CPED1: variants seen among roughly 807,000 people sequenced by gnomAD.
The protein encoded by CPED1 is cadherin-like and PC-esterase domain-containing protein 1.
Under a neutral mutation model 128.2 loss-of-function variants are expected in CPED1, and 114 were observed. The observed-to-expected ratio is 0.89, with a 90% CI of 0.76 to 1.04. CPED1 has a LOEUF of 1.04. Among genes scored for constraint, CPED1 ranks in the 50% least tolerant of loss-of-function variants. The pLI, the probability that CPED1 is intolerant of heterozygous loss-of-function variation, is 0.00. For synonymous variants in CPED1, 462 were observed against 426.7 expected (o/e 1.08, Z -1.02); for missense variants, 1,211 against 1,207.1 (o/e 1.00, Z -0.05).
At chr7:121,152,850 C>T (rs781207761) in intron 16 of CPED1, among the ~76,000 whole-genome samples, 1 of 152,108 alleles carries the variant, frequency 6.6e-6, no homozygotes, top group Non-Finnish European at 1.5e-5. Flanking sequence ...ATCACCTGTG[C>T]TAAATTATAC....
chr7:121,040,150 A>G (rs1585033870), intron 3 of CPED1, among the ~76,000 whole-genome samples: 1 of 152,084 alleles, frequency 6.6e-6, no homozygotes, highest in African/African-American at 2.4e-5. Context: ...TAGCAAGTAA[A>G]CACCCATGAC....
At chr7:121,225,957 C>T (rs769567692) in intron 16 of CPED1, among the ~76,000 whole-genome samples, 32 of 151,856 alleles carry the variant, frequency 2.1e-4, no homozygotes, top group Non-Finnish European at 2.9e-4. Flanking sequence ...TTGTTATTAC[C>T]GACCTTCTGA....
Position 121,068,869 on chromosome 7 carries a change from T to C in CPED1, c.616+4556T>C, listed in dbSNP as rs973911007. Among the ~76,000 whole-genome samples the C allele has an allele frequency of 2.2e-4, 33 of 152,258 alleles. 1 individual carries two copies. Among genetic ancestry groups the C allele is most frequent in the African/African-American group, 7.9e-4 (33 of 41,542 alleles). On this transcript the variant is annotated intron_variant, in intron 5 of 22. Coordinates refer to ENST00000310396, the MANE Select transcript of CPED1 (RefSeq NM_024913.5). ...TGGATTCCTAGGTATTGTATTCTCT[T>C]TGAAGCAATTGTGAATGGGAGTTCA...
At chr7:121,219,829 T>G (rs1237212045) in intron 16 of CPED1, among the ~76,000 whole-genome samples, 2 of 152,070 alleles carry the variant, frequency 1.3e-5, no homozygotes, top group Non-Finnish European at 1.5e-5. Flanking sequence ...AATTTCTCAC[T>G]AAAACATAAT....
intron 7 of CPED1, among the ~76,000 whole-genome samples, chr7:121,121,606 T>C (rs1220080445): frequency 6.6e-6 from 1 of 152,222 alleles, no homozygotes; most frequent in East Asian, 1.9e-4. Context: ...TTCTCACATT[T>C]ATTTAATTGA....
At chr7:121,248,531 C>T (rs1798592509) in intron 18 of CPED1, among the ~76,000 whole-genome samples, 1 of 146,284 alleles carries the variant, frequency 6.8e-6, no homozygotes, top group Non-Finnish European at 1.5e-5. Flanking sequence ...ATGCCATCTA[C>T]TGGATCATAG....
At chr7:121,214,313 GAC>G (rs1346182334) in intron 16 of CPED1, among the ~76,000 whole-genome samples, 1 of 151,788 alleles carries the variant, frequency 6.6e-6, no homozygotes, top group Non-Finnish European at 1.5e-5. Context: ...ATTTTTTTGA[GAC>G]AGAGTCTCAC....
chr7:121,211,385 G>A (rs937301248), intron 16 of CPED1, among the ~76,000 whole-genome samples: 1 of 152,104 alleles, frequency 6.6e-6, no homozygotes, highest in South Asian at 2.1e-4. Context: ...TGAAATTAGC[G>A]AAGTCAGTGG....
chr7:121,026,133 T>C (rs1040918548), intron 3 of CPED1, among the ~76,000 whole-genome samples: 2 of 152,174 alleles, frequency 1.3e-5, no homozygotes, highest in African/African-American at 4.8e-5. Flanking sequence ...TTAATTTCAG[T>C]GATGCCAACT....
chr7:121,231,321 T>C (rs957565636), intron 16 of CPED1, among the ~76,000 whole-genome samples: 15 of 152,036 alleles, frequency 9.9e-5, no homozygotes, highest in Admixed American at 8.5e-4. Context: ...CTGGGCATGG[T>C]TGTCTTATTG....
chr7:121,251,647 T>C (rs1245194679), intron 18 of CPED1, among the ~76,000 whole-genome samples: 1 of 152,076 alleles, frequency 6.6e-6, no homozygotes, highest in Non-Finnish European at 1.5e-5. Context: ...TGTGCAAAAA[T>C]CACAAACATT....
intron 22 of CPED1, among the ~76,000 whole-genome samples, chr7:121,272,406 C>T (rs1309824608): frequency 6.6e-6 from 1 of 151,674 alleles, no homozygotes; most frequent in Non-Finnish European, 1.5e-5. Flanking sequence ...AGTGATTTTA[C>T]GAATTGCCTT....
chr7:121,133,947 CA>C, intron 13 of CPED1, 54 bp downstream of exon 13: 7 of 976,838 alleles, frequency 7.2e-6, no homozygotes, highest in South Asian at 1.6e-5. Context: ...TATTTCCTGG[CA>C]AAAAAATGCA....
chr7:121,185,292 A>G (rs73436037), intron 16 of CPED1, among the ~76,000 whole-genome samples: 1 of 152,124 alleles, frequency 6.6e-6, no homozygotes, highest in African/African-American at 2.4e-5. Context: ...ATGGCAAAAG[A>G]TGCAATAAAC....
chr7:121,056,405 A>C (rs1307417422), intron 4 of CPED1, among the ~76,000 whole-genome samples: 1 of 152,180 alleles, frequency 6.6e-6, no homozygotes, highest in Non-Finnish European at 1.5e-5. Context: ...AGTTGAATTG[A>C]TTTGGCAGTT....
At chr7:121,139,175 A>G (rs1380407495) in intron 14 of CPED1, among the ~76,000 whole-genome samples, 1 of 152,048 alleles carries the variant, frequency 6.6e-6, no homozygotes, top group African/African-American at 2.4e-5. Flanking sequence ...TTCATTGACC[A>G]TTAGGTCAAA....
At chr7:121,041,791 G>C (rs1370626056) in intron 3 of CPED1, among the ~76,000 whole-genome samples, 2 of 152,178 alleles carry the variant, frequency 1.3e-5, no homozygotes. Flanking sequence ...TGGTTTCTGA[G>C]AACACTTAGA....
At chr7:121,034,247 CTTTTTTTT>C (rs3067998) in intron 3 of CPED1, among the ~76,000 whole-genome samples, 1 of 113,954 alleles carries the variant, frequency 8.8e-6, no homozygotes, top group East Asian at 2.6e-4. Context: ...GTTTTTTTTT[CTTTTTTTT>C]TTTTTTTTTT....
At chr7:121,042,822 C>T (rs888987996) in intron 3 of CPED1, among the ~76,000 whole-genome samples, 1 of 152,184 alleles carries the variant, frequency 6.6e-6, no homozygotes. Flanking sequence ...ACTACTACTT[C>T]TACTACTAAT....
Sources: allele counts gnomAD v4.1 joint callset (sites outside exome capture counted in the v4.1 genomes callset), GRCh38; gene constraint gnomAD v4.1.1; transcripts MANE v1.5; gene names NCBI Gene and HGNC (gene_info 2026-07-23, HGNC 2026-07-21).